PDE2A: variants seen among roughly 807,000 people sequenced by gnomAD.
The protein encoded by PDE2A is phosphodiesterase 2A.
In PDE2A, 53 loss-of-function variants were observed where a neutral mutation model predicts 133.6. The ratio of observed to expected loss-of-function variants is 0.40; its 90% CI spans 0.32 to 0.50. The LOEUF is 0.50. Ranked by LOEUF, PDE2A falls within the 20% of genes least tolerant of loss-of-function variation. PDE2A has a pLI of 0.73. For synonymous variants in PDE2A, 491 were observed against 490.2 expected, an observed-to-expected ratio of 1.00 and a Z score of -0.02; for missense variants, 796 against 1,232.4, an observed-to-expected ratio of 0.65 and a Z score of 5.30.
intron 4 of PDE2A, among the ~76,000 whole-genome samples, chr11:72,600,967 G>A (rs915081435): frequency 1.3e-5 from 2 of 151,620 alleles, no homozygotes; most frequent in African/African-American, 4.9e-5. Flanking sequence ...CCAACAGCCT[G>A]GAAAGAGCTG....
intron 2 of PDE2A, among the ~76,000 whole-genome samples, chr11:72,611,597 T>C (rs2135369800): frequency 6.6e-6 from 1 of 152,118 alleles, no homozygotes; most frequent in East Asian, 1.9e-4. Context: ...GAAAGGAAAG[T>C]TGGGGAGAGT....
At chr11:72,584,772 C>T (rs377215993) in intron 17 of PDE2A, 44 bp from the exon 18 acceptor site, 5 of 1,610,942 alleles carry the variant, frequency 3.1e-6, no homozygotes, top group South Asian at 1.1e-5. Context: ...GTTAGTGACC[C>T]GGCCACAGAG....
chr11:72,615,518 T>C (rs1857424115), intron 2 of PDE2A, among the ~76,000 whole-genome samples: 1 of 151,344 alleles, frequency 6.6e-6, no homozygotes, highest in South Asian at 2.1e-4. Context: ...AGGCAGGAGC[T>C]GAGTGTGGGG....
intron 1 of PDE2A, among the ~76,000 whole-genome samples, chr11:72,673,166 A>G (rs1252154737): frequency 1.3e-5 from 2 of 152,074 alleles, no homozygotes; most frequent in Non-Finnish European, 2.9e-5. Context: ...ATGCACACTG[A>G]TTCACTCTAT....
At chr11:72,661,634 C>T (rs936875871) in intron 1 of PDE2A, among the ~76,000 whole-genome samples, 2 of 152,172 alleles carry the variant, frequency 1.3e-5, no homozygotes, top group Non-Finnish European at 2.9e-5. Context: ...AGGAATTAGC[C>T]AGGTAAAAAG....
chr11:72,639,114 T>C (rs1310941168), intron 2 of PDE2A, among the ~76,000 whole-genome samples: 2 of 152,194 alleles, frequency 1.3e-5, no homozygotes, highest in African/African-American at 4.8e-5. Context: ...CTCAAGCACC[T>C]GCTGGGAGGC....
At position 72,577,449 on chromosome 11, in the gene PDE2A, C is replaced by A. The variant is rs770991809; in HGVS notation, c.2761G>T (p.Glu921Ter). Residue 921 changes from glutamate (E) to a stop codon, truncating the protein, a stop_gained, in exon 31 of 31, where the codon GAG becomes TAG. Coordinates refer to ENST00000334456, the MANE Select transcript of PDE2A (RefSeq NM_002599.5). LOFTEE classifies it high-confidence loss of function. The stretch of plus-strand genomic sequence containing the variant: ...CTAGTGCCATCCAGATCAGGCACCT[C>A]GTACTCCTCATCCAGGAAGTCCAGC... Reference protein sequence around the residue: ...NSLDFLDEEYEVPDLDGTRAP... With the variant: ...NSLDFLDEEY The A allele has an allele frequency of 6.2e-7, 1 of 1,614,024 alleles. No individual in the cohort carries two copies. The highest frequency in any genetic ancestry group is 8.5e-7 in the Non-Finnish European group (1 of 1,180,004).
intron 2 of PDE2A, among the ~76,000 whole-genome samples, chr11:72,623,949 C>T (rs1857915284): frequency 6.6e-6 from 1 of 151,990 alleles, no homozygotes; most frequent in Non-Finnish European, 1.5e-5. Context: ...TGCCACGCAC[C>T]ATGCACACTC....
At chr11:72,633,591 A>C (rs2135421683) in intron 2 of PDE2A, among the ~76,000 whole-genome samples, 1 of 152,122 alleles carries the variant, frequency 6.6e-6, no homozygotes, top group South Asian at 2.1e-4. Context: ...TTCAGCTGGG[A>C]TTTATGGACC....
rs74619750 is a variant in PDE2A, at chr11:72,593,711, T to C, written c.490-2355A>G. 6.6e-3 allele frequency among the ~76,000 whole-genome samples: 1,000 copies of C among 152,162 alleles called. 5 individuals are homozygous for C. Among genetic ancestry groups the C allele is most frequent in the Non-Finnish European group, 0.01 (681 of 67,998 alleles). ...GCCAAAGACTTTCCACACAAAAAAT[T>C]TGCAATCAAGGTGCTTTGAGCAGTG... On this transcript the variant is annotated intron_variant, in intron 6 of 30. Coordinates refer to ENST00000334456, the MANE Select transcript of PDE2A (RefSeq NM_002599.5).
chr11:72,590,278 C>T lies in PDE2A; in HGVS notation c.704-34G>A. 1.3e-6 allele frequency: 2 copies of T among 1,547,998 alleles called. No homozygotes were observed. Among genetic ancestry groups the T allele is most frequent in the Non-Finnish European group, 8.7e-7 (1 of 1,144,008 alleles). On this transcript the variant is annotated intron_variant, in intron 8 of 30. Coordinates refer to ENST00000334456, the MANE Select transcript of PDE2A (RefSeq NM_002599.5). The surrounding 1 kb of genome is among the most constrained non-coding windows in gnomAD (Gnocchi z 4.8). ...GCCAGGCGCCGGTCAGAGAGAGGGC[C>T]CCTCCGCACCTCCGTGTCCGGGTCC...
At chr11:72,583,810 C>A (rs975052500) in intron 19 of PDE2A, among the ~76,000 whole-genome samples, 1 of 152,150 alleles carries the variant, frequency 6.6e-6, no homozygotes, top group African/African-American at 2.4e-5. Context: ...GAAGGAGAAG[C>A]AAGGAGGGGA....
Position 72,596,478 on chromosome 11 carries a change from T to TCA in PDE2A, c.489+114_489+115insTG, listed in dbSNP as rs1219272782. On this transcript the variant is annotated intron_variant, in intron 6 of 30. Coordinates refer to ENST00000334456, the MANE Select transcript of PDE2A (RefSeq NM_002599.5). ...TCCCATCTCTCTCTCTCTCTCTCTC[T>TCA]CTCTCTCACACACACACACACACAC... 7.9e-4 allele frequency: 187 copies of TCA among 235,496 alleles called. 1 individual carries two copies. The highest frequency in any genetic ancestry group is 7.1e-3 in the African/African-American group (165 of 23,142). 14.6% of individuals were successfully genotyped at this position (235,496 alleles called of 1,614,324 possible). A position where few individuals can be genotyped will look rare whatever the true frequency, so the allele number is the denominator to read the frequency against.
chr11:72,669,428 C>G (rs1855333263), intron 1 of PDE2A, among the ~76,000 whole-genome samples: 1 of 152,280 alleles, frequency 6.6e-6, no homozygotes, highest in South Asian at 2.1e-4. Context: ...TCAGGGACTT[C>G]AAGAAGTGGG....
At chr11:72,595,731 C>T (rs1038465063) in intron 6 of PDE2A, among the ~76,000 whole-genome samples, 2 of 152,152 alleles carry the variant, frequency 1.3e-5, no homozygotes, top group Non-Finnish European at 2.9e-5. Flanking sequence ...AGCAGACCCC[C>T]AATAATAGCA....
At chr11:72,659,711 G>GTA (rs1205051958) in intron 1 of PDE2A, among the ~76,000 whole-genome samples, 1 of 152,044 alleles carries the variant, frequency 6.6e-6, no homozygotes, top group African/African-American at 2.4e-5. Context: ...ATCTTGGCCA[G>GTA]CCCCTGCTAC....
At chr11:72,609,467 C>T (rs1056833804) in intron 2 of PDE2A, among the ~76,000 whole-genome samples, 33 of 152,102 alleles carry the variant, frequency 2.2e-4, no homozygotes, top group African/African-American at 7.5e-4. Context: ...GTGCATAACC[C>T]ATAAGGTGGG....
intron 13 of PDE2A, among the ~76,000 whole-genome samples, chr11:72,587,546 G>A (rs1257882020): frequency 6.6e-6 from 1 of 152,150 alleles, no homozygotes; most frequent in African/African-American, 2.4e-5. Context: ...GGCCATCCTA[G>A]AACCCAATCT....
At chr11:72,598,382 TG>T in intron 4 of PDE2A, 1 of 542,048 alleles carries the variant, frequency 1.8e-6, no homozygotes, top group Non-Finnish European at 3.1e-6. Flanking sequence ...GGTATGACAG[TG>T]GCAGAGGGGT....
Sources: gnomAD v4.1 joint callset for allele counts (sites outside exome capture counted in the v4.1 genomes callset) on GRCh38, gnomAD v4.1.1 for gene constraint, Gnocchi (gnomAD v3.1) non-coding constraint, MANE v1.5 for transcripts, NCBI Gene and HGNC (gene_info 2026-07-23, HGNC 2026-07-21) for gene names.